WDFY3: variants seen among roughly 807,000 people sequenced by gnomAD.
WDFY3 encodes WD repeat and FYVE domain-containing protein 3.
WDFY3 carries 66 observed loss-of-function variants against 409.6 expected under a neutral mutation model. The observed-to-expected ratio is 0.16, with a 90% confidence interval of 0.13 to 0.20. The LOEUF is 0.20. WDFY3 is among the 10% of genes least tolerant of loss of function. The probability of loss-of-function intolerance (pLI) is 1.00; values close to 1 mark genes in which losing one functional copy is unlikely to be tolerated. For missense variants in WDFY3, 3,031 were observed against 4,298.1 expected (o/e 0.71, Z 8.24); for synonymous variants, 1,521 against 1,537.1 (o/e 0.99, Z 0.25).
At chr4:84,851,634 G>A (rs1274331536) in intron 4 of WDFY3, among the ~76,000 whole-genome samples, 1 of 152,152 alleles carries the variant, frequency 6.6e-6, no homozygotes, top group African/African-American at 2.4e-5. Context: ...TATTTTCCAT[G>A]TATTGGTTAC....
intron 4 of WDFY3, among the ~76,000 whole-genome samples, chr4:84,858,380 G>A (rs1760064867): frequency 6.6e-6 from 1 of 151,856 alleles, no homozygotes. Context: ...TGTGAACACT[G>A]GAGATTCAGT....
At position 84,683,540 on chromosome 4, in the gene WDFY3, C is replaced by T. The variant is rs527352017; in HGVS notation, c.9726+403G>A. Among the ~76,000 whole-genome samples, 8 of 152,298 alleles carry T rather than the reference C, an allele frequency of 5.3e-5. No individual in the cohort carries two copies. In the South Asian group the frequency reaches 1.5e-3, roughly 28 times the overall value. On this transcript the variant is annotated intron_variant, in intron 63 of 67. Transcript: ENST00000295888. ...ATCTGGGATCCTAGCTGGGGATCCT[C>T]GAAGTGTTTTCCAGCACTGTGATTC...
chr4:84,740,994 T>C (rs1489810162), intron 38 of WDFY3, among the ~76,000 whole-genome samples: 1 of 152,192 alleles, frequency 6.6e-6, no homozygotes, highest in Non-Finnish European at 1.5e-5. Context: ...TAATCAATTG[T>C]GCCAAACCAG....
At chr4:84,796,774 T>C (rs1749522402) in intron 18 of WDFY3, 22 bp from the exon 19 acceptor site, 9 of 1,577,622 alleles carry the variant, frequency 5.7e-6, no homozygotes, top group Non-Finnish European at 6.1e-6. Context: ...GGAAATCTCT[T>C]GGGAAAATGT....
At chr4:84,875,650 T>C (rs888238737) in intron 3 of WDFY3, among the ~76,000 whole-genome samples, 2 of 152,196 alleles carry the variant, frequency 1.3e-5, no homozygotes, top group Non-Finnish European at 2.9e-5. Flanking sequence ...CACTGTACAG[T>C]GGTACAAAAA....
At chr4:84,901,251 G>A (rs192661273) in intron 2 of WDFY3, among the ~76,000 whole-genome samples, 122 of 152,288 alleles carry the variant, frequency 8.0e-4, no homozygotes, top group African/African-American at 2.8e-3. Flanking sequence ...AACTCACGTT[G>A]AAATTTAATG....
chr4:84,780,097 C>T lies in WDFY3; in HGVS notation c.4365+11G>A, dbSNP rs1296352595. 24 of 1,558,644 alleles carry T rather than the reference C, an allele frequency of 1.5e-5. No individual in the cohort carries two copies. Among genetic ancestry groups the T allele is most frequent in the Non-Finnish European group, 2.0e-5 (23 of 1,153,234 alleles). The stretch of plus-strand genomic sequence containing the variant: ...CAGGTGAAGTGAAGGCAAAGTTTTA[C>T]AGTTACAAACCTGGTAGCCCTTGAT... On this transcript the variant is annotated intron_variant, in intron 26 of 67. Coordinates refer to ENST00000295888, the MANE Select transcript of WDFY3 (RefSeq NM_014991.6).
intron 46 of WDFY3, among the ~76,000 whole-genome samples, chr4:84,723,723 G>GTATTAT (rs201021346): frequency 6.0e-4 from 91 of 152,336 alleles, no homozygotes; most frequent in East Asian, 5.6e-3. Context: ...CATGAGCGAA[G>GTATTAT]TATTATCAGT....
chr4:84,879,801 C>A (rs1329269111), intron 3 of WDFY3, among the ~76,000 whole-genome samples: 1 of 151,808 alleles, frequency 6.6e-6, no homozygotes, highest in Non-Finnish European at 1.5e-5. Flanking sequence ...GCAAACAACC[C>A]AATAGAAAAA....
At chr4:84,709,175 G>A in intron 52 of WDFY3, 118 bp downstream of exon 52, 1 of 1,412,128 alleles carries the variant, frequency 7.1e-7, no homozygotes, top group South Asian at 1.4e-5. Context: ...TAAAAAGAAT[G>A]AAAATAAAAC....
intron 23 of WDFY3, among the ~76,000 whole-genome samples, chr4:84,787,214 A>G (rs1158124496): frequency 6.6e-6 from 1 of 152,098 alleles, no homozygotes; most frequent in Non-Finnish European, 1.5e-5. Context: ...TCACAGTTAG[A>G]CTCCTAGAGG....
At chr4:84,743,371 C>A (rs1162192096) in intron 37 of WDFY3, among the ~76,000 whole-genome samples, 1 of 152,150 alleles carries the variant, frequency 6.6e-6, no homozygotes, top group Non-Finnish European at 1.5e-5. Flanking sequence ...TAGGTATATA[C>A]TCAACAGATT....
At chr4:84,905,366 G>A (rs900848808) in intron 2 of WDFY3, among the ~76,000 whole-genome samples, 1 of 151,884 alleles carries the variant, frequency 6.6e-6, no homozygotes, top group African/African-American at 2.4e-5. Flanking sequence ...ATAAATTCTT[G>A]ACTTCCCTTT....
rs767314066 is a variant in WDFY3 at position 84,702,511 on chromosome 4, G to A, written c.8443-5C>T. ...AGCCAGGTCAAAGTGGCCACCCTGT[G>A]GGCAGAATAAGACACCTCTCTATTA... On this transcript the variant is annotated splice_polypyrimidine_tract_variant and splice_region_variant and intron_variant, in intron 55 of 67. Transcript: ENST00000295888. The A allele has an allele frequency of 1.3e-6, 2 of 1,598,738 alleles. No homozygotes were observed. The highest frequency in any genetic ancestry group is 1.8e-5 in the Admixed American group (1 of 56,378).
In WDFY3 at chr4:84,709,839, G is replaced by A. The variant is rs574901630; in HGVS notation, c.8043-492C>T. Among the ~76,000 whole-genome samples the A allele has an allele frequency of 2.0e-5, 3 of 152,208 alleles. No homozygotes were observed. The South Asian group carries it at 6.2e-4, about 32-fold the overall frequency. ...CCTCCTGGGTTCTAGTGATTCTCTG[G>A]CCTCAGCCTCCTGGGTAGCTGGGAT... On this transcript the variant is annotated intron_variant, in intron 51 of 67. Coordinates refer to ENST00000295888, the MANE Select transcript of WDFY3 (RefSeq NM_014991.6).
intron 1 of WDFY3, among the ~76,000 whole-genome samples, chr4:84,948,327 G>A (rs894338031): frequency 6.6e-6 from 1 of 151,976 alleles, no homozygotes; most frequent in Admixed American, 6.6e-5. Context: ...CTGTTAAGAC[G>A]TTAGTATGAG....
intron 2 of WDFY3, among the ~76,000 whole-genome samples, chr4:84,901,269 G>A (rs1395277093): frequency 1.3e-5 from 2 of 152,168 alleles, no homozygotes; most frequent in Admixed American, 1.3e-4. Context: ...ATGCTCCAAT[G>A]TGGCAGTAAT....
At chr4:84,897,724 C>T (rs1377048269) in intron 2 of WDFY3, among the ~76,000 whole-genome samples, 1 of 152,146 alleles carries the variant, frequency 6.6e-6, no homozygotes, top group Non-Finnish European at 1.5e-5. Context: ...GACAAAGTGA[C>T]GCTGGAGAGC....
intron 2 of WDFY3, among the ~76,000 whole-genome samples, chr4:84,917,978 A>T (rs1768731786): frequency 6.6e-6 from 1 of 152,120 alleles, no homozygotes; most frequent in Non-Finnish European, 1.5e-5. Flanking sequence ...TAATAAGAAA[A>T]ATGCACATTC....
Sources: gnomAD v4.1 joint callset for allele counts (sites outside exome capture counted in the v4.1 genomes callset) on GRCh38, gnomAD v4.1.1 for gene constraint, MANE v1.5 for transcripts, NCBI Gene and HGNC (gene_info 2026-07-23, HGNC 2026-07-21) for gene names.